MACC1: variants seen among roughly 807,000 people sequenced by gnomAD.
MACC1 encodes MET transcriptional regulator MACC1.
MACC1 carries 79 observed loss-of-function variants against 70.7 expected under a neutral mutation model. That is an observed-to-expected ratio of 1.12 (90% CI 0.93 to 1.35). The LOEUF (loss-of-function observed/expected upper bound fraction) is 1.35. Ranked by LOEUF, MACC1 falls within the 40% of genes most tolerant of loss-of-function variation. The probability of loss-of-function intolerance (pLI) is 0.00; values close to 1 mark genes in which losing one functional copy is unlikely to be tolerated. For synonymous variants in MACC1, 361 were observed against 347.2 expected, an observed-to-expected ratio of 1.04 and a Z score of -0.44; for missense variants, 1,106 against 978.1, an observed-to-expected ratio of 1.13 and a Z score of -1.74.
At chr7:20,196,317 A>G (rs1782751187) in intron 1 of MACC1, among the ~76,000 whole-genome samples, 1 of 152,028 alleles carries the variant, frequency 6.6e-6, no homozygotes, top group African/African-American at 2.4e-5. Context: ...AGTAGCTGGG[A>G]CTACAGGCGC....
Position 20,141,121 on chromosome 7 carries a change from C to T in MACC1, c.2384G>A (p.Trp795Ter), listed in dbSNP as rs1781794230. ...GTAGTTATTTCCATAGTGAGCACTC[C>T]AGGTATACAGAAAATCATAGGCAGG... ...WKPAYDFLYT[W>*]SAHYGNNYRD... Residue 795 changes from tryptophan (W) to a stop codon, truncating the protein, a stop_gained, in exon 7 of 7, where the codon TGG (tryptophan) becomes TAG (stop). Coordinates refer to ENST00000400331, the MANE Select transcript of MACC1 (RefSeq NM_182762.4). LOFTEE classifies it high-confidence loss of function. The T allele has an allele frequency of 1.9e-6, 3 of 1,608,052 alleles. No individual in the cohort carries two copies. The highest frequency in any genetic ancestry group is 2.7e-5 in the African/African-American group (2 of 74,654).
At chr7:20,187,036 T>C (rs909796127) in intron 1 of MACC1, among the ~76,000 whole-genome samples, 1 of 152,144 alleles carries the variant, frequency 6.6e-6, no homozygotes, top group Non-Finnish European at 1.5e-5. Context: ...CTTACAATGG[T>C]TCAACTCACA....
chr7:20,170,094 C>G (rs1398077762), intron 2 of MACC1: 3 of 152,192 alleles, frequency 2.0e-5, no homozygotes, highest in Non-Finnish European at 4.4e-5. Flanking sequence ...AGTGACTGGA[C>G]TCATCACAGC....
chr7:20,180,137 A>T (rs1294113448), intron 1 of MACC1, among the ~76,000 whole-genome samples: 1 of 152,210 alleles, frequency 6.6e-6, no homozygotes, highest in Non-Finnish European at 1.5e-5. Context: ...AATGATAGAA[A>T]GTATGTTCAA....
At position 20,158,869 on chromosome 7, in the gene MACC1, C is replaced by G. The variant is rs771896866; in HGVS notation, c.1492G>C (p.Ala498Pro). 6.2e-7 allele frequency: 1 copy of G among 1,614,096 alleles called. No homozygotes were observed. Among genetic ancestry groups the G allele is most frequent in the East Asian group, 2.2e-5 (1 of 44,872 alleles). The change falls in exon 5 of 7, where the codon GCA (alanine) becomes CCA (proline). Residue 498 changes from alanine to proline, a missense_variant. By Grantham distance (27) the Ala-to-Pro change is conservative (BLOSUM62 -1). Coordinates refer to ENST00000400331, the MANE Select transcript of MACC1 (RefSeq NM_182762.4). Reference protein sequence around the residue: ...QVEPPNGEPVAQFSITTPDPT... With the variant: ...QVEPPNGEPVPQFSITTPDPT... ...TCAGGAGTAGTGATAGAGAACTGTG[C>G]AACTGGTTCACCATTGGGAGGCTCC...
chr7:20,178,127 TATAA>T (rs1234656367), intron 1 of MACC1, among the ~76,000 whole-genome samples: 1 of 152,126 alleles, frequency 6.6e-6, no homozygotes, highest in African/African-American at 2.4e-5. Flanking sequence ...CCTACTTACT[TATAA>T]ATATTCATAA....
chr7:20,175,515 G>C (rs1782377670), intron 1 of MACC1, among the ~76,000 whole-genome samples: 1 of 151,934 alleles, frequency 6.6e-6, no homozygotes, highest in African/African-American at 2.4e-5. Flanking sequence ...TATAACTCTT[G>C]ATATATTTTC....
At chr7:20,212,922 C>T (rs910716020) in intron 1 of MACC1, among the ~76,000 whole-genome samples, 12 of 152,038 alleles carry the variant, frequency 7.9e-5, no homozygotes, top group African/African-American at 2.9e-4. Context: ...CTGGAGACCC[C>T]ATTTGGTAGG....
chr7:20,209,985 T>C (rs1305490265), intron 1 of MACC1, among the ~76,000 whole-genome samples: 1 of 152,198 alleles, frequency 6.6e-6, no homozygotes, highest in Non-Finnish European at 1.5e-5. Flanking sequence ...AAGAGGTGCC[T>C]TCTGCCATAA....
Position 20,159,181 on chromosome 7 carries a change from T to C in MACC1, c.1180A>G (p.Asn394Asp), listed in dbSNP as rs1782102594. 1 of 1,614,062 alleles carries C rather than the reference T, an allele frequency of 6.2e-7. No homozygotes were observed. Among genetic ancestry groups the C allele is most frequent in the Non-Finnish European group, 8.5e-7 (1 of 1,180,026 alleles). ...FTVVLTVCGH[N>D]YMPGQLTISD... ...ATTGTAAGCTGTCCTGGCATATAAT[T>C]GTGTCCACAAACTGTTAAAACAACA... The change falls in exon 5 of 7, where the codon AAT (asparagine) becomes GAT (aspartate). Residue 394 changes from asparagine (N) to aspartate (D), a missense_variant. Physicochemically the swap from Asn to Asp is conservative, Grantham distance 23. Coordinates refer to ENST00000400331, the MANE Select transcript of MACC1 (RefSeq NM_182762.4).
chr7:20,175,655 T>G (rs141559330), intron 1 of MACC1, among the ~76,000 whole-genome samples: 97 of 152,238 alleles, frequency 6.4e-4, no homozygotes, highest in African/African-American at 2.2e-3. Flanking sequence ...CAAGAAAAAT[T>G]TTAGGTAACA....
intron 1 of MACC1, among the ~76,000 whole-genome samples, chr7:20,171,774 G>T (rs999492119): frequency 2.6e-5 from 4 of 152,152 alleles, no homozygotes; most frequent in South Asian, 2.1e-4. Flanking sequence ...TAGAGACAGG[G>T]TTTCACCATA....
intron 6 of MACC1, among the ~76,000 whole-genome samples, chr7:20,152,405 G>T (rs917458563): frequency 3.9e-5 from 6 of 152,026 alleles, no homozygotes; most frequent in African/African-American, 1.5e-4. Context: ...CTCCCAAAGA[G>T]AAAAATTATA....
intron 1 of MACC1, among the ~76,000 whole-genome samples, chr7:20,172,155 T>C (rs1248110781): frequency 6.6e-6 from 1 of 152,168 alleles, no homozygotes; most frequent in Non-Finnish European, 1.5e-5. Context: ...ACATTTATAG[T>C]GTAAAATAAG....
At chr7:20,144,704 T>TA (rs1267353078) in intron 6 of MACC1, among the ~76,000 whole-genome samples, 1 of 152,188 alleles carries the variant, frequency 6.6e-6, no homozygotes, top group Non-Finnish European at 1.5e-5. Context: ...GGGTATCTGA[T>TA]AAAAAATTAC....
At chr7:20,211,333 T>TA (rs1782993353) in intron 1 of MACC1, among the ~76,000 whole-genome samples, 1 of 152,134 alleles carries the variant, frequency 6.6e-6, no homozygotes, top group South Asian at 2.1e-4. Context: ...TACTAATAGT[T>TA]ACTATCAATA....
chr7:20,150,106 A>G (rs1377248539), intron 6 of MACC1, among the ~76,000 whole-genome samples: 1 of 152,228 alleles, frequency 6.6e-6, no homozygotes, highest in African/African-American at 2.4e-5. Flanking sequence ...GTAAGTTACA[A>G]CTATTAACAT....
chr7:20,177,402 A>G (rs1782410537), intron 1 of MACC1, among the ~76,000 whole-genome samples: 1 of 152,068 alleles, frequency 6.6e-6, no homozygotes, highest in Non-Finnish European at 1.5e-5. Flanking sequence ...TCCCACCATG[A>G]TTTTGAAATT....
intron 1 of MACC1, among the ~76,000 whole-genome samples, chr7:20,182,269 C>T (rs1438473367): frequency 6.6e-6 from 1 of 151,708 alleles, no homozygotes; most frequent in Non-Finnish European, 1.5e-5. Flanking sequence ...TGCAGCACAC[C>T]AACATGGCAC....
Sources: gnomAD v4.1 joint callset for allele counts (sites outside exome capture counted in the v4.1 genomes callset) on GRCh38, gnomAD v4.1.1 for gene constraint, MANE v1.5 for transcripts, NCBI Gene and HGNC (gene_info 2026-07-23, HGNC 2026-07-21) for gene names.